Variants in PTPRM observed in about 807,000 individuals in gnomAD.
PTPRM encodes the protein protein tyrosine phosphatase receptor type M.
Under a neutral mutation model 186.7 loss-of-function variants are expected in PTPRM, and 47 were observed. The ratio of observed to expected loss-of-function variants is 0.25; its 90% CI spans 0.20 to 0.32. PTPRM has a LOEUF of 0.32. Among genes scored for constraint, PTPRM ranks in the 10% least tolerant of loss-of-function variants. PTPRM has a pLI of 1.00. For missense variants in PTPRM, 1,494 were observed against 1,865.0 expected (o/e 0.80, Z 3.66); for synonymous variants, 668 against 674.9 (o/e 0.99, Z 0.16).
At chr18:7,842,947 T>TATATATATATAGAGAGAGAGAG (rs370746043) in intron 2 of PTPRM, among the ~76,000 whole-genome samples, 121 of 112,088 alleles carry the variant, frequency 1.1e-3, no homozygotes, top group African/African-American at 4.7e-3. Context: ...TATATATATA[T>TATATATATATAGAGAGAGAGAG]AGAGAGAGAG....
chr18:7,979,888 G>A (rs1034748879), intron 7 of PTPRM, among the ~76,000 whole-genome samples: 2 of 152,274 alleles, frequency 1.3e-5, no homozygotes, highest in African/African-American at 2.4e-5. Flanking sequence ...GACTGAGGGT[G>A]AGGGGCCACC....
chr18:8,253,891 G>T (rs1215461059), intron 19 of PTPRM, among the ~76,000 whole-genome samples: 1 of 152,018 alleles, frequency 6.6e-6, no homozygotes, highest in Non-Finnish European at 1.5e-5. Context: ...ATTTACCAGG[G>T]TCTCTTCCCC....
chr18:8,206,049 A>G (rs1012204448), intron 14 of PTPRM, among the ~76,000 whole-genome samples: 2 of 152,116 alleles, frequency 1.3e-5, no homozygotes, highest in African/African-American at 4.8e-5. Context: ...ATAAGGGATG[A>G]GTTGAGGATA....
chr18:7,981,844 A>G (rs1332998472), intron 7 of PTPRM, among the ~76,000 whole-genome samples: 1 of 152,200 alleles, frequency 6.6e-6, no homozygotes, highest in African/African-American at 2.4e-5. Context: ...CTCTTGGAAC[A>G]CAATGGTATT....
chr18:8,377,947 C>T (rs1343326355), intron 26 of PTPRM: 1 of 215,886 alleles, frequency 4.6e-6, no homozygotes, highest in Non-Finnish European at 9.1e-6. Flanking sequence ...CAAATCCTAC[C>T]ATAGACAAAA....
chr18:8,207,944 A>G (rs957563956), intron 14 of PTPRM, among the ~76,000 whole-genome samples: 2 of 152,238 alleles, frequency 1.3e-5, no homozygotes, highest in Admixed American at 1.3e-4. Context: ...GCAGTTTGAA[A>G]GAAATATATC....
chr18:7,594,945 C>G (rs1045998076), intron 1 of PTPRM, among the ~76,000 whole-genome samples: 2 of 152,158 alleles, frequency 1.3e-5, no homozygotes, highest in Admixed American at 1.3e-4. Context: ...CTTCTCGGGA[C>G]TGAGTTTTGA....
At chr18:7,854,048 G>T (rs995296166) in intron 2 of PTPRM, among the ~76,000 whole-genome samples, 4 of 152,156 alleles carry the variant, frequency 2.6e-5, no homozygotes, top group Non-Finnish European at 5.9e-5. Context: ...ATGCATTTCA[G>T]GATTTCCCCC....
chr18:8,118,354 G>A (rs1424095915), intron 13 of PTPRM, among the ~76,000 whole-genome samples: 1 of 151,998 alleles, frequency 6.6e-6, no homozygotes, highest in African/African-American at 2.4e-5. Context: ...TTGATATATG[G>A]GGAGCAGTCA....
intron 2 of PTPRM, among the ~76,000 whole-genome samples, chr18:7,842,025 G>A (rs1251961466): frequency 6.6e-6 from 1 of 151,976 alleles, no homozygotes; most frequent in Non-Finnish European, 1.5e-5. Flanking sequence ...TGTGACTGTA[G>A]GTCCAGTTCC....
At position 7,960,066 on chromosome 18, in the gene PTPRM, T is replaced by C. The variant is rs574494781; in HGVS notation, c.1132+4652T>C. Among the ~76,000 whole-genome samples the C allele has an allele frequency of 2.0e-5, 3 of 152,340 alleles. No homozygotes were observed. The East Asian group carries it at 5.8e-4, about 29-fold the overall frequency. Reference sequence around the variant, plus strand: ...CAGAGAAATGGGTGATGTTGTTAGATTAATTTTCACAGTGGGCTTTTTTAT... The same window carrying C: ...CAGAGAAATGGGTGATGTTGTTAGACTAATTTTCACAGTGGGCTTTTTTAT... On this transcript the variant is annotated intron_variant, in intron 7 of 32. Transcript: ENST00000580170.
At chr18:8,261,652 T>G (rs1171950359) in intron 19 of PTPRM, among the ~76,000 whole-genome samples, 1 of 152,220 alleles carries the variant, frequency 6.6e-6, no homozygotes, top group East Asian at 1.9e-4. Flanking sequence ...ATCAGCTAAT[T>G]TTTTATACAG....
chr18:8,304,950 A>C (rs2095205398), intron 20 of PTPRM, among the ~76,000 whole-genome samples: 1 of 152,118 alleles, frequency 6.6e-6, no homozygotes, highest in South Asian at 2.1e-4. Flanking sequence ...TGATAATAAA[A>C]ATCACTCCAG....
chr18:8,070,203 C>T (rs1038559503), intron 8 of PTPRM, among the ~76,000 whole-genome samples: 2 of 152,148 alleles, frequency 1.3e-5, no homozygotes, highest in African/African-American at 4.8e-5. Flanking sequence ...ATTACTCATA[C>T]AGTTACTTTT....
chr18:7,826,121 A>G (rs564408899), intron 2 of PTPRM, among the ~76,000 whole-genome samples: 16 of 152,334 alleles, frequency 1.1e-4, no homozygotes, highest in African/African-American at 3.6e-4. Flanking sequence ...TCTCTGTGTC[A>G]CTGAGTGAGG....
chr18:8,121,414 C>A (rs2092167487), intron 13 of PTPRM, among the ~76,000 whole-genome samples: 1 of 152,146 alleles, frequency 6.6e-6, no homozygotes, highest in South Asian at 2.1e-4. Context: ...CCAGCTGTAT[C>A]ATGTTAGAAC....
intron 1 of PTPRM, among the ~76,000 whole-genome samples, chr18:7,607,795 C>T (rs532049380): frequency 6.6e-6 from 1 of 152,360 alleles, no homozygotes; most frequent in Non-Finnish European, 1.5e-5. Context: ...GCTCTGCCTT[C>T]CTCGGAGCAC....
chr18:7,567,641 G>A lies in PTPRM; in HGVS notation c.-178G>A. ...GGAGGACCCAGGACCCTGTGCCCGCGCCCCTGGAGCCGCTGGAGTTCGGAC... is the reference window on the plus strand; with the variant it reads ...GGAGGACCCAGGACCCTGTGCCCGCACCCCTGGAGCCGCTGGAGTTCGGAC... On this transcript the variant is annotated 5_prime_UTR_variant, in exon 1 of 33. Transcript: ENST00000580170. This position sits in a 1 kb window ranked among gnomAD's most constrained non-coding sequence, Gnocchi z 4.3. 2 of 523,940 alleles carry A rather than the reference G, an allele frequency of 3.8e-6. No homozygotes were observed. Among genetic ancestry groups the A allele is most frequent in the South Asian group, 2.9e-5 (1 of 35,046 alleles). 32.5% of individuals were successfully genotyped at this position (523,940 alleles called of 1,614,324 possible). A position where few individuals can be genotyped will look rare whatever the true frequency, so the allele number is the denominator to read the frequency against.
chr18:8,357,892 C>T (rs540564450), intron 23 of PTPRM, among the ~76,000 whole-genome samples: 4 of 152,162 alleles, frequency 2.6e-5, no homozygotes, highest in South Asian at 2.1e-4. Context: ...AACACATACT[C>T]GCAGACTAAA....
Sources: gnomAD v4.1 joint callset for allele counts (sites outside exome capture counted in the v4.1 genomes callset) on GRCh38, gnomAD v4.1.1 for gene constraint, Gnocchi (gnomAD v3.1) non-coding constraint, MANE v1.5 for transcripts, NCBI Gene and HGNC (gene_info 2026-07-23, HGNC 2026-07-21) for gene names.